GPHN: variants seen among roughly 807,000 people sequenced by gnomAD.
GPHN encodes gephyrin.
In GPHN, 17 loss-of-function variants were observed where a neutral mutation model predicts 95.5. The ratio of observed to expected loss-of-function variants is 0.18; its 90% CI spans 0.12 to 0.27. The LOEUF is 0.27. Ranked by LOEUF, GPHN falls within the 10% of genes least tolerant of loss-of-function variation. GPHN has a pLI of 1.00. For missense variants in GPHN, 660 were observed against 978.1 expected, an observed-to-expected ratio of 0.67 and a Z score of 4.34; for synonymous variants, 320 against 322.5, an observed-to-expected ratio of 0.99 and a Z score of 0.08.
chr14:67,212,902 C>T, the GPHN span, among the ~76,000 whole-genome samples: 1 of 151,018 alleles, frequency 6.6e-6, no homozygotes, highest in Non-Finnish European at 1.5e-5. Flanking sequence ...AGTGCCAAGA[C>T]ATTCAAAGTG....
At chr14:67,666,999 G>A in the GPHN span, among the ~76,000 whole-genome samples, 1 of 152,192 alleles carries the variant, frequency 6.6e-6, no homozygotes, top group Non-Finnish European at 1.5e-5. Context: ...ATCCTGGGGA[G>A]AATGGGCACC....
At chr14:67,102,092 T>C (rs1010748966) in intron 13 of GPHN, among the ~76,000 whole-genome samples, 5 of 151,846 alleles carry the variant, frequency 3.3e-5, no homozygotes, top group Non-Finnish European at 7.4e-5. Flanking sequence ...CAGGATGGTC[T>C]CGATCTCCTG....
the GPHN span, among the ~76,000 whole-genome samples, chr14:67,535,835 G>A: frequency 6.6e-6 from 1 of 152,320 alleles, no homozygotes; most frequent in South Asian, 2.1e-4. Context: ...AGCCCTGCAT[G>A]ATGTGATATA....
chr14:67,428,536 CT>C, the GPHN span, among the ~76,000 whole-genome samples: 1 of 152,198 alleles, frequency 6.6e-6, no homozygotes, highest in Admixed American at 6.5e-5. Flanking sequence ...AAGTTAAGTA[CT>C]TTGTCCAAGT....
the GPHN span, among the ~76,000 whole-genome samples, chr14:67,520,693 CCA>C: frequency 4.0e-5 from 6 of 151,046 alleles, no homozygotes; most frequent in Non-Finnish European, 1.5e-5. Context: ...TTTGGGCGTA[CCA>C]CAGTTTATTT....
At chr14:67,116,818 A>G (rs988021172) in intron 16 of GPHN, among the ~76,000 whole-genome samples, 5 of 152,254 alleles carry the variant, frequency 3.3e-5, no homozygotes, top group African/African-American at 1.2e-4. Context: ...AAATTGTTTA[A>G]AAGATCTAAA....
chr14:66,764,752 T>G (rs1035622252), intron 2 of GPHN, among the ~76,000 whole-genome samples: 7 of 152,084 alleles, frequency 4.6e-5, no homozygotes, highest in Admixed American at 6.6e-5. Context: ...ATCTATTGTA[T>G]AGAAATAATA....
At chr14:66,561,084 G>A (rs1181343983) in intron 1 of GPHN, among the ~76,000 whole-genome samples, 1 of 152,148 alleles carries the variant, frequency 6.6e-6, no homozygotes, top group East Asian at 1.9e-4. Context: ...GCATCCCAGG[G>A]ATGAAGCCCA....
chr14:66,795,715 TAATA>T (rs1293114031), intron 3 of GPHN, among the ~76,000 whole-genome samples: 2 of 152,178 alleles, frequency 1.3e-5, no homozygotes, highest in African/African-American at 2.4e-5. Context: ...TGTGTGTACA[TAATA>T]AATGTATATA....
chr14:66,552,441 T>C (rs371554722), intron 1 of GPHN, among the ~76,000 whole-genome samples: 1 of 152,286 alleles, frequency 6.6e-6, no homozygotes, highest in East Asian at 1.9e-4. Flanking sequence ...CTTTAAACAG[T>C]TATTTGATTT....
chr14:67,544,169 G>A, the GPHN span, among the ~76,000 whole-genome samples: 376 of 152,232 alleles, frequency 2.5e-3, 1 homozygote, highest in Non-Finnish European at 4.5e-3. Flanking sequence ...AAATAACAAG[G>A]TAGACAAGGA....
At chr14:67,078,352 T>C (rs2076573518) in intron 11 of GPHN, among the ~76,000 whole-genome samples, 1 of 152,188 alleles carries the variant, frequency 6.6e-6, no homozygotes, top group African/African-American at 2.4e-5. Context: ...CAGTAAGCCC[T>C]TTGGCTCCCA....
At chr14:67,397,877 G>C in the GPHN span, 1 of 1,490,942 alleles carries the variant, frequency 6.7e-7, no homozygotes, top group Non-Finnish European at 9.1e-7. Context: ...GGGAGGGTAT[G>C]GTGTTCAGGG....
chr14:67,023,442 T>A (rs2073764274), intron 9 of GPHN, among the ~76,000 whole-genome samples, 191 bp from the exon 10 acceptor site: 1 of 152,150 alleles, frequency 6.6e-6, no homozygotes, highest in Middle Eastern at 3.2e-3. Context: ...TGGAAGTCAG[T>A]TCTTTCTTTA....
chr14:66,759,713 C>A (rs2058693429), intron 2 of GPHN, among the ~76,000 whole-genome samples: 1 of 152,122 alleles, frequency 6.6e-6, no homozygotes, highest in Non-Finnish European at 1.5e-5. Flanking sequence ...AGCATTTAGA[C>A]TGTTTACATT....
At chr14:67,084,432 G>T (rs1347903393) in intron 11 of GPHN, among the ~76,000 whole-genome samples, 1 of 152,098 alleles carries the variant, frequency 6.6e-6, no homozygotes, top group Non-Finnish European at 1.5e-5. Context: ...ACTCAGCTCA[G>T]GTGTTTATCT....
At chr14:67,663,190 C>A in the GPHN span, 1 of 1,524,304 alleles carries the variant, frequency 6.6e-7, no homozygotes, top group South Asian at 1.2e-5. Flanking sequence ...ACTAATCTCC[C>A]CTTTGAACAA....
chr14:66,991,010 C>T (rs918876810), intron 9 of GPHN, among the ~76,000 whole-genome samples: 1 of 151,842 alleles, frequency 6.6e-6, no homozygotes, highest in Non-Finnish European at 1.5e-5. Flanking sequence ...CCCTGTACCA[C>T]TATTGATTAA....
At chr14:67,030,499 A>G (rs2092173310) in intron 10 of GPHN, among the ~76,000 whole-genome samples, 1 of 152,170 alleles carries the variant, frequency 6.6e-6, no homozygotes, top group East Asian at 1.9e-4. Flanking sequence ...CCTGGAATTC[A>G]GTGCACCAGC....
Sources: gnomAD v4.1 joint callset for allele counts (sites outside exome capture counted in the v4.1 genomes callset) on GRCh38, gnomAD v4.1.1 for gene constraint, MANE v1.5 for transcripts, NCBI Gene and HGNC (gene_info 2026-07-23, HGNC 2026-07-21) for gene names.